PDE3A: variants seen among roughly 807,000 people sequenced by gnomAD.
PDE3A encodes phosphodiesterase 3A.
In PDE3A, 43 loss-of-function variants were observed where a neutral mutation model predicts 98.3. The observed-to-expected ratio is 0.44, with a 90% CI of 0.34 to 0.56. The LOEUF is 0.56. PDE3A is among the 20% of genes least tolerant of loss of function. The probability of loss-of-function intolerance (pLI) is 0.01; values close to 1 mark genes in which losing one functional copy is unlikely to be tolerated. For synonymous variants in PDE3A, 663 were observed against 567.9 expected (o/e 1.17, Z -2.38); for missense variants, 1,427 against 1,440.7 (o/e 0.99, Z 0.15).
At chr12:20,492,174 T>G (rs2121049882) in intron 1 of PDE3A, among the ~76,000 whole-genome samples, 1 of 152,138 alleles carries the variant, frequency 6.6e-6, no homozygotes, top group South Asian at 2.1e-4. Flanking sequence ...AGAGATGGGG[T>G]TTCACCACGT....
chr12:20,482,681 A>G (rs983707320), intron 1 of PDE3A, among the ~76,000 whole-genome samples: 1 of 152,232 alleles, frequency 6.6e-6, no homozygotes, highest in African/African-American at 2.4e-5. Context: ...GAAAGAATCT[A>G]TGTAAAAGCC....
chr12:20,602,942 T>G (rs1463743117), intron 2 of PDE3A, among the ~76,000 whole-genome samples: 2 of 152,186 alleles, frequency 1.3e-5, no homozygotes, highest in African/African-American at 4.8e-5. Context: ...GAACCAGTAA[T>G]GCACCAAAGA....
rs1945275919 is a variant in PDE3A, at chr12:20,462,837, C to T, written c.960+92593C>T. On this transcript the variant is annotated intron_variant, in intron 1 of 15. Transcript: ENST00000359062. The stretch of plus-strand genomic sequence containing the variant: ...TCAGCATCTCACTCTGTCATCTAGG[C>T]TGGGGTGCAGTGCAGGATCATGGCT... 1.3e-5 allele frequency among the ~76,000 whole-genome samples: 2 copies of T among 151,748 alleles called. 1 individual carries two copies. Among genetic ancestry groups the T allele is most frequent in the South Asian group, 4.2e-4 (2 of 4,816 alleles).
chr12:20,664,812 G>A (rs1267713464), intron 15 of PDE3A, among the ~76,000 whole-genome samples: 1 of 152,036 alleles, frequency 6.6e-6, no homozygotes, highest in Non-Finnish European at 1.5e-5. Context: ...TCCAGTCTCA[G>A]GTATGTCTTT....
At chr12:20,616,133 T>C in intron 3 of PDE3A, 97 bp from the exon 4 acceptor site, 2 of 1,110,230 alleles carry the variant, frequency 1.8e-6, no homozygotes, top group South Asian at 3.3e-5. Flanking sequence ...ATTTAGTCAA[T>C]TCACTTCTAA....
chr12:20,462,708 T>G (rs533622922), intron 1 of PDE3A, among the ~76,000 whole-genome samples: 1 of 152,294 alleles, frequency 6.6e-6, no homozygotes, highest in South Asian at 2.1e-4. Context: ...CTCTAAACAT[T>G]TACTTCAAGC....
Position 20,369,631 on chromosome 12 carries a change from G to T in PDE3A, c.347G>T (p.Arg116Leu). The T allele has an allele frequency of 1.3e-6, 2 of 1,589,180 alleles. No homozygotes were observed. Among genetic ancestry groups the T allele is most frequent in the Non-Finnish European group, 8.6e-7 (1 of 1,168,546 alleles). The change falls in exon 1 of 16, where the codon CGG becomes CTG. Residue 116 changes from arginine (R) to leucine (L), a missense_variant. Arg to Leu is a moderately radical substitution (Grantham distance 102). Transcript: ENST00000359062. ...GAAGGGGGCGTCTTCCCGGGGCCTC[G>T]GGGAGGTGCTCCCGGGGGCGGTGCG... Reference protein sequence around the residue: ...GAEGGVFPGPRGGAPGGGARL... With the variant: ...GAEGGVFPGPLGGAPGGGARL...
At chr12:20,579,372 T>C (rs78527410) in intron 2 of PDE3A, among the ~76,000 whole-genome samples, 5,902 of 144,938 alleles carry the variant, frequency 0.041, 150 homozygotes, top group Non-Finnish European at 0.06. Flanking sequence ...AGTTGCCTTT[T>C]CCGTGTTCTT....
At chr12:20,484,796 G>A (rs1335865322) in intron 1 of PDE3A, among the ~76,000 whole-genome samples, 7 of 152,114 alleles carry the variant, frequency 4.6e-5, no homozygotes, top group Admixed American at 1.3e-4. Context: ...GGTCATTGAC[G>A]TACGGATGAC....
chr12:20,644,575 A>G (rs1425181520), intron 10 of PDE3A, among the ~76,000 whole-genome samples: 1 of 152,154 alleles, frequency 6.6e-6, no homozygotes, highest in Non-Finnish European at 1.5e-5. Context: ...TTCTAGTATG[A>G]TCAATTTCAT....
At chr12:20,374,995 T>C (rs60701589) in intron 1 of PDE3A, among the ~76,000 whole-genome samples, 8 of 152,006 alleles carry the variant, frequency 5.3e-5, no homozygotes, top group Non-Finnish European at 1.2e-4. Flanking sequence ...CCGGAAGTGA[T>C]GCATAACCCT....
chr12:20,570,351 T>C (rs750484183), intron 2 of PDE3A, among the ~76,000 whole-genome samples: 3 of 123,354 alleles, frequency 2.4e-5, no homozygotes, highest in Non-Finnish European at 4.7e-5. Flanking sequence ...GAGGTTGCAA[T>C]GAACCAAGAT....
chr12:20,486,575 G>T (rs1465327979), intron 1 of PDE3A, among the ~76,000 whole-genome samples: 1 of 152,170 alleles, frequency 6.6e-6, no homozygotes, highest in Non-Finnish European at 1.5e-5. Flanking sequence ...AAATATGATA[G>T]ATGTGGTGAT....
chr12:20,387,116 G>T lies in PDE3A; in HGVS notation c.960+16872G>T, dbSNP rs117790792. ...AGTCATATTTCTGAGTTCTGTATTG[G>T]TTCCATTGGTCTATGTGTCTGTTTT... On this transcript the variant is annotated intron_variant, in intron 1 of 15. Coordinates refer to ENST00000359062, the MANE Select transcript of PDE3A (RefSeq NM_000921.5). Among the ~76,000 whole-genome samples, 1,236 of 152,020 alleles carry T rather than the reference G, an allele frequency of 8.1e-3. 24 individuals carry two copies. Among genetic ancestry groups the T allele is most frequent in the Admixed American group, 0.04 (610 of 15,250 alleles).
At chr12:20,371,701 C>A (rs1943480210) in intron 1 of PDE3A, among the ~76,000 whole-genome samples, 1 of 152,062 alleles carries the variant, frequency 6.6e-6, no homozygotes, top group South Asian at 2.1e-4. Context: ...ACAAATGTTT[C>A]TTGTCTTTAA....
At chr12:20,670,013 C>T (rs910093662) in intron 15 of PDE3A, among the ~76,000 whole-genome samples, 2 of 148,646 alleles carry the variant, frequency 1.3e-5, no homozygotes, top group African/African-American at 5.1e-5. Flanking sequence ...ATCTACCAAG[C>T]AAATGGAAAA....
At chr12:20,534,410 G>A (rs1941702061) in intron 1 of PDE3A, among the ~76,000 whole-genome samples, 1 of 152,114 alleles carries the variant, frequency 6.6e-6, no homozygotes, top group Admixed American at 6.5e-5. Flanking sequence ...TCTTCAATAG[G>A]CGAGGTGATT....
At chr12:20,550,480 ATTAG>A (rs1190998912) in intron 1 of PDE3A, among the ~76,000 whole-genome samples, 1 of 152,142 alleles carries the variant, frequency 6.6e-6, no homozygotes, top group African/African-American at 2.4e-5. Flanking sequence ...TACTTATTTC[ATTAG>A]TTAATTATTG....
rs1040522778 is a variant in PDE3A, at chr12:20,391,866, G to A, written c.960+21622G>A. 1.1e-4 allele frequency among the ~76,000 whole-genome samples: 16 copies of A among 151,892 alleles called. No homozygotes were observed. In the East Asian group the frequency reaches 2.3e-3, roughly 22 times the overall value. ...AGATATGGTATGACTGGAACAAAGCGAAGGGTGGCTGTCACCTCTTTTGTA... is the reference window on the plus strand; with the variant it reads ...AGATATGGTATGACTGGAACAAAGCAAAGGGTGGCTGTCACCTCTTTTGTA... On this transcript the variant is annotated intron_variant, in intron 1 of 15. Transcript: ENST00000359062.
Sources: gnomAD v4.1 joint callset for allele counts (sites outside exome capture counted in the v4.1 genomes callset) on GRCh38, gnomAD v4.1.1 for gene constraint, MANE v1.5 for transcripts, NCBI Gene and HGNC (gene_info 2026-07-23, HGNC 2026-07-21) for gene names.